CCDC6: variants seen among roughly 807,000 people sequenced by gnomAD.
CCDC6 encodes coiled-coil domain containing 6.
In CCDC6, 20 loss-of-function variants were observed where a neutral mutation model predicts 56.6. The observed-to-expected ratio is 0.35, with a 90% confidence interval of 0.25 to 0.51. The LOEUF is 0.51. Ranked by LOEUF, CCDC6 falls within the 20% of genes least tolerant of loss-of-function variation. The probability of loss-of-function intolerance (pLI) is 0.95; values close to 1 mark genes in which losing one functional copy is unlikely to be tolerated. For synonymous variants in CCDC6, 241 were observed against 234.4 expected, an observed-to-expected ratio of 1.03 and a Z score of -0.26; for missense variants, 367 against 601.1, an observed-to-expected ratio of 0.61 and a Z score of 4.07.
chr10:59,871,037 T>C (rs1684899), intron 1 of CCDC6, among the ~76,000 whole-genome samples: 118,109 of 151,832 alleles, frequency 0.78, 46,101 homozygotes, highest in East Asian at 0.9. Flanking sequence ...AAAGCTCGCC[T>C]GAGATACAGT....
Position 59,809,084 on chromosome 10 carries a change from C to A in CCDC6, c.848-2006G>T, listed in dbSNP as rs766376439. ...ATAAACGATTTAAATTATTTGATCC[C>A]AAATATGCAAGCATGCAGAATTTTT... On this transcript the variant is annotated intron_variant, in intron 5 of 8. Transcript: ENST00000263102. Among the ~76,000 whole-genome samples the A allele has an allele frequency of 6.8e-4, 104 of 152,076 alleles. 1 individual carries two copies. The highest frequency in any genetic ancestry group is 1.1e-3 in the Non-Finnish European group (72 of 68,006).
Position 59,811,045 on chromosome 10 carries a change from C to T in CCDC6, c.847+1590G>A, listed in dbSNP as rs574011372. Among the ~76,000 whole-genome samples, 82 of 152,228 alleles carry T rather than the reference C, an allele frequency of 5.4e-4. 1 individual carries two copies. Among genetic ancestry groups the T allele is most frequent in the African/African-American group, 1.7e-3 (71 of 41,536 alleles). On this transcript the variant is annotated intron_variant, in intron 5 of 8. Coordinates refer to ENST00000263102, the MANE Select transcript of CCDC6 (RefSeq NM_005436.5). ...AGGCAGCCTCTAGAGCTGGAAAAGG[C>T]GAGGAAACAGAGGCTCCCCAACAAC... is the stretch of plus-strand genomic sequence containing the variant.
rs141708445 is a variant in CCDC6, at chr10:59,869,777, A to G, written c.304-17075T>C. On this transcript the variant is annotated intron_variant, in intron 1 of 8. Coordinates refer to ENST00000263102, the MANE Select transcript of CCDC6 (RefSeq NM_005436.5). ...AAGGCTTCCCATCACACTAAGAAATAGTGATTCCTTGCCCTGGATCATCTA... is the reference window on the plus strand; with the variant it reads ...AAGGCTTCCCATCACACTAAGAAATGGTGATTCCTTGCCCTGGATCATCTA... Among the ~76,000 whole-genome samples the G allele has an allele frequency of 5.0e-3, 761 of 152,228 alleles. 9 individuals are homozygous for G. The highest frequency in any genetic ancestry group is 0.036 in the South Asian group (174 of 4,826).
chr10:59,891,975 G>A (rs1387122006), intron 1 of CCDC6, among the ~76,000 whole-genome samples: 1 of 152,236 alleles, frequency 6.6e-6, no homozygotes, highest in Non-Finnish European at 1.5e-5. Context: ...CCTTGGCAGA[G>A]AAAACTACTG....
chr10:59,830,810 C>G lies in CCDC6; in HGVS notation c.582+1715G>C, dbSNP rs550866638. On this transcript the variant is annotated intron_variant, in intron 3 of 8. Coordinates refer to ENST00000263102, the MANE Select transcript of CCDC6 (RefSeq NM_005436.5). Reference sequence around the variant, plus strand: ...TCTTTCTGACACTAGGCCACTACCTCCCCCTTGTGGCCATAGCTAAACCCT... The same window carrying G: ...TCTTTCTGACACTAGGCCACTACCTGCCCCTTGTGGCCATAGCTAAACCCT... Among the ~76,000 whole-genome samples, 223 of 152,294 alleles carry G rather than the reference C, an allele frequency of 1.5e-3. 2 individuals carry two copies. Among genetic ancestry groups the G allele is most frequent in the Middle Eastern group, 3.4e-3 (1 of 294 alleles).
chr10:59,906,308 TC>T lies in CCDC6; in HGVS notation c.116del (p.Gly39GlufsTer35). ...CCCCCGACTTCCCACCGCCGCCGCC[TC>T]CCCCGCCGCCACCGCCGCCGCCCGA... ...STSGGGGGGG[G>X]GGGGGKSGGI... is the part of the protein sequence containing the mutation. On this transcript the variant is annotated frameshift_variant, in exon 1 of 9. Transcript: ENST00000263102. LOFTEE classifies it high-confidence loss of function. 1 of 1,591,748 alleles carries T rather than the reference TC, an allele frequency of 6.3e-7. No individual in the cohort carries two copies.
At chr10:59,894,316 C>T (rs1459879332) in intron 1 of CCDC6, among the ~76,000 whole-genome samples, 2 of 152,214 alleles carry the variant, frequency 1.3e-5, no homozygotes, top group African/African-American at 2.4e-5. Context: ...TCATTTTTCT[C>T]GGCATTCAGG....
chr10:59,819,930 A>G (rs906277975), intron 3 of CCDC6, among the ~76,000 whole-genome samples: 2 of 152,202 alleles, frequency 1.3e-5, no homozygotes, highest in Non-Finnish European at 2.9e-5. Context: ...AAGTCAGTTC[A>G]ATGAACTGCC....
chr10:59,862,008 C>T (rs1464747339), intron 1 of CCDC6, among the ~76,000 whole-genome samples: 1 of 152,128 alleles, frequency 6.6e-6, no homozygotes, highest in Non-Finnish European at 1.5e-5. Flanking sequence ...AAAACAGACC[C>T]ATCTCCCCAA....
chr10:59,876,493 C>T (rs2071281917), intron 1 of CCDC6, among the ~76,000 whole-genome samples: 1 of 150,266 alleles, frequency 6.7e-6, no homozygotes, highest in South Asian at 2.1e-4. Context: ...ATACCAGGCC[C>T]AGGTGTGACT....
At chr10:59,803,342 GCA>G (rs1437680176) in intron 7 of CCDC6, among the ~76,000 whole-genome samples, 1 of 151,892 alleles carries the variant, frequency 6.6e-6, no homozygotes, top group African/African-American at 2.4e-5. Flanking sequence ...GTTAATGGCA[GCA>G]CAGTGCTGTG....
At chr10:59,901,015 A>G (rs1408302491) in intron 1 of CCDC6, among the ~76,000 whole-genome samples, 1 of 152,148 alleles carries the variant, frequency 6.6e-6, no homozygotes, top group Admixed American at 6.5e-5. Context: ...CTGAGATCGC[A>G]CCACTGCACT....
intron 1 of CCDC6, among the ~76,000 whole-genome samples, chr10:59,860,387 T>A (rs1397932316): frequency 6.6e-6 from 1 of 152,124 alleles, no homozygotes; most frequent in East Asian, 1.9e-4. Flanking sequence ...TACCAGGGCC[T>A]ACCTTAAACT....
chr10:59,873,454 G>C (rs1169579764), intron 1 of CCDC6, among the ~76,000 whole-genome samples: 1 of 152,090 alleles, frequency 6.6e-6, no homozygotes, highest in Admixed American at 6.5e-5. Flanking sequence ...ATCACAGAAG[G>C]ATCTTCCCCG....
intron 1 of CCDC6, among the ~76,000 whole-genome samples, chr10:59,905,314 T>C (rs1464252020): frequency 6.6e-6 from 1 of 152,172 alleles, no homozygotes; most frequent in Non-Finnish European, 1.5e-5. Flanking sequence ...ACAGAACAGA[T>C]GGCCTGTTCT....
chr10:59,881,963 C>T (rs1320244135), intron 1 of CCDC6, among the ~76,000 whole-genome samples: 4 of 149,390 alleles, frequency 2.7e-5, no homozygotes, highest in African/African-American at 9.9e-5. Context: ...CAAAAGGGAA[C>T]AGAAACAGAG....
At chr10:59,883,694 G>C (rs1426833229) in intron 1 of CCDC6, among the ~76,000 whole-genome samples, 1 of 152,118 alleles carries the variant, frequency 6.6e-6, no homozygotes, top group African/African-American at 2.4e-5. Flanking sequence ...ACACAAATTG[G>C]AGTCAACTCA....
intron 2 of CCDC6, among the ~76,000 whole-genome samples, chr10:59,839,134 A>G (rs115658353): frequency 0.014 from 2,180 of 152,370 alleles, 61 homozygotes; most frequent in African/African-American, 0.05. Context: ...TGCATTTTGC[A>G]AAGAGTGAAA....
chr10:59,838,518 A>T (rs922950624), intron 2 of CCDC6, among the ~76,000 whole-genome samples: 4 of 152,096 alleles, frequency 2.6e-5, no homozygotes, highest in African/African-American at 9.7e-5. Context: ...TACTATTTTC[A>T]CACTACTCAG....
Sources: allele counts gnomAD v4.1 joint callset (sites outside exome capture counted in the v4.1 genomes callset), GRCh38; gene constraint gnomAD v4.1.1; transcripts MANE v1.5; gene names NCBI Gene and HGNC (gene_info 2026-07-23, HGNC 2026-07-21).